The following DRC11 variants were observed in gnomAD, a reference collection of about 807,000 sequenced individuals.
DRC11 encodes the protein IQ and AAA domain-containing protein 1.
chr2:236,489,328 G>C, the DRC11 span, among the ~76,000 whole-genome samples: 3 of 139,040 alleles, frequency 2.2e-5, no homozygotes, highest in African/African-American at 8.2e-5. Flanking sequence ...GGCTCTGGGT[G>C]CATGCTGGGG....
At chr2:236,496,229 A>G in the DRC11 span, among the ~76,000 whole-genome samples, 5 of 152,190 alleles carry the variant, frequency 3.3e-5, no homozygotes, top group African/African-American at 1.2e-4. This position sits in a 1 kb window ranked among gnomAD's most constrained non-coding sequence, Gnocchi z 6.3. Context: ...ATAATCATCA[A>G]CATTTTCATT....
At chr2:236,486,950 A>C in the DRC11 span, 1 of 1,410,294 alleles carries the variant, frequency 7.1e-7, no homozygotes, top group Non-Finnish European at 9.8e-7. This position sits in a 1 kb window ranked among gnomAD's most constrained non-coding sequence, Gnocchi z 5.7. Context: ...ATATAAAGAA[A>C]ACATGGCTTG....
At chr2:236,383,037 G>A in the DRC11 span, among the ~76,000 whole-genome samples, 11 of 152,078 alleles carry the variant, frequency 7.2e-5, no homozygotes, top group African/African-American at 1.9e-4. Flanking sequence ...ATAAAAACCC[G>A]AAGTTTATTA....
At chr2:236,500,515 TC>T in the DRC11 span, among the ~76,000 whole-genome samples, 1 of 152,096 alleles carries the variant, frequency 6.6e-6, no homozygotes, top group African/African-American at 2.4e-5. The surrounding 1 kb of genome is among the most constrained non-coding windows in gnomAD (Gnocchi z 6.3). Context: ...TAGAATCCCA[TC>T]CCCAGCACGT....
the DRC11 span, among the ~76,000 whole-genome samples, chr2:236,430,198 AACACACAC>A: frequency 3.4e-5 from 5 of 149,108 alleles, no homozygotes; most frequent in Non-Finnish European, 6.0e-5. This position sits in a 1 kb window ranked among gnomAD's most constrained non-coding sequence, Gnocchi z 6.0. Flanking sequence ...ATATACATAT[AACACACAC>A]ACACACACAC....
the DRC11 span, chr2:236,369,009 G>A: frequency 6.6e-6 from 1 of 152,180 alleles, no homozygotes; most frequent in African/African-American, 2.4e-5. The surrounding 1 kb of genome is among the most constrained non-coding windows in gnomAD (Gnocchi z 4.5). Flanking sequence ...TAGTTTGGCT[G>A]TCTCCATTTG....
chr2:236,507,080 T>TA, the DRC11 span, among the ~76,000 whole-genome samples: 1 of 151,874 alleles, frequency 6.6e-6, no homozygotes, highest in South Asian at 2.1e-4. Flanking sequence ...AAGAAGCAGA[T>TA]ACTCTATCCC....
the DRC11 span, among the ~76,000 whole-genome samples, chr2:236,491,138 T>C: frequency 5.1e-5 from 5 of 98,744 alleles, no homozygotes; most frequent in African/African-American, 2.4e-4. Context: ...TATATATATA[T>C]ACAGTATATA....
At chr2:236,459,602 TATATAC>T in the DRC11 span, among the ~76,000 whole-genome samples, 13 of 136,486 alleles carry the variant, frequency 9.5e-5, no homozygotes, top group Admixed American at 5.0e-4. Flanking sequence ...TACGTATACA[TATATAC>T]GTATATAAGT....
At chr2:236,420,809 C>CA in the DRC11 span, among the ~76,000 whole-genome samples, 9 of 151,952 alleles carry the variant, frequency 5.9e-5, no homozygotes, top group Non-Finnish European at 7.4e-5. This position sits in a 1 kb window ranked among gnomAD's most constrained non-coding sequence, Gnocchi z 4.8. Flanking sequence ...GATCCTGCCT[C>CA]AAAAAAACAA....
At chr2:236,498,580 C>T in the DRC11 span, among the ~76,000 whole-genome samples, 1 of 151,962 alleles carries the variant, frequency 6.6e-6, no homozygotes, top group African/African-American at 2.4e-5. Flanking sequence ...GTGGACTGAA[C>T]AAAGAGGAAG....
chr2:236,500,122 G>A, the DRC11 span, among the ~76,000 whole-genome samples: 19 of 152,242 alleles, frequency 1.2e-4, no homozygotes, highest in African/African-American at 3.9e-4. The surrounding 1 kb of genome is among the most constrained non-coding windows in gnomAD (Gnocchi z 6.3). Flanking sequence ...TGATGATGGC[G>A]AAGGTAACAG....
the DRC11 span, among the ~76,000 whole-genome samples, chr2:236,494,706 T>G: frequency 6.6e-6 from 1 of 152,116 alleles, no homozygotes; most frequent in Non-Finnish European, 1.5e-5. This position sits in a 1 kb window ranked among gnomAD's most constrained non-coding sequence, Gnocchi z 4.2. Context: ...GCCCAGAGAA[T>G]TTTGGATAGG....
chr2:236,308,279 T>C, the DRC11 span, among the ~76,000 whole-genome samples: 1 of 152,266 alleles, frequency 6.6e-6, no homozygotes, highest in South Asian at 2.1e-4. This position sits in a 1 kb window ranked among gnomAD's most constrained non-coding sequence, Gnocchi z 6.0. Flanking sequence ...GCAGGAATGA[T>C]TGACAGGCAT....
At chr2:236,317,374 C>T in the DRC11 span, among the ~76,000 whole-genome samples, 2 of 152,118 alleles carry the variant, frequency 1.3e-5, no homozygotes, top group South Asian at 2.1e-4. The surrounding 1 kb of genome is among the most constrained non-coding windows in gnomAD (Gnocchi z 5.4). Flanking sequence ...GGAGATACTA[C>T]GCAGTGATGG....
chr2:236,454,924 A>G, the DRC11 span: 1 of 152,224 alleles, frequency 6.6e-6, no homozygotes, highest in Non-Finnish European at 1.5e-5. This position sits in a 1 kb window ranked among gnomAD's most constrained non-coding sequence, Gnocchi z 5.3. Flanking sequence ...CCGTAAAATA[A>G]TTGGGGCAAG....
chr2:236,441,849 G>A, the DRC11 span, among the ~76,000 whole-genome samples: 1 of 152,118 alleles, frequency 6.6e-6, no homozygotes, highest in East Asian at 1.9e-4. Context: ...CCAAACTTTT[G>A]GCCTCAGAAG....
At chr2:236,376,241 T>C in the DRC11 span, among the ~76,000 whole-genome samples, 1 of 152,226 alleles carries the variant, frequency 6.6e-6, no homozygotes, top group Admixed American at 6.5e-5. This position sits in a 1 kb window ranked among gnomAD's most constrained non-coding sequence, Gnocchi z 5.7. Context: ...GCTCAGACTC[T>C]TCAAAAATGT....
At chr2:236,409,266 G>A in the DRC11 span, among the ~76,000 whole-genome samples, 2 of 152,170 alleles carry the variant, frequency 1.3e-5, no homozygotes, top group Non-Finnish European at 2.9e-5. Flanking sequence ...CATCATGCCT[G>A]GCTAATTTTA....
Sources: gnomAD v4.1 joint callset for allele counts (sites outside exome capture counted in the v4.1 genomes callset) on GRCh38, gnomAD v4.1.1 for gene constraint, Gnocchi (gnomAD v3.1) non-coding constraint, MANE v1.5 for transcripts, NCBI Gene and HGNC (gene_info 2026-07-23, HGNC 2026-07-21) for gene names.